NRG1: variants seen among roughly 807,000 people sequenced by gnomAD.
NRG1 encodes neuregulin 1.
A neutral mutation model predicts 63.8 loss-of-function variants in NRG1; 18 were observed. The observed-to-expected ratio is 0.28, with a 90% confidence interval of 0.19 to 0.42. The LOEUF is 0.42. Among genes scored for constraint, NRG1 ranks in the 10% least tolerant of loss-of-function variants. NRG1 has a pLI of 1.00. For missense variants in NRG1, 762 were observed against 814.7 expected (o/e 0.94, Z 0.79); for synonymous variants, 302 against 301.3 (o/e 1.00, Z -0.02).
At chr8:31,791,376 C>G (rs946658932) in intron 1 of NRG1, among the ~76,000 whole-genome samples, 1 of 152,084 alleles carries the variant, frequency 6.6e-6, no homozygotes. Flanking sequence ...ATAATTATCA[C>G]TATCAGTAAT....
chr8:32,056,938 A>G (rs1034830887), intron 1 of NRG1, among the ~76,000 whole-genome samples: 6 of 152,174 alleles, frequency 3.9e-5, no homozygotes, highest in African/African-American at 1.4e-4. Context: ...GGTACTTTTT[A>G]GCATTAGTGA....
chr8:31,811,933 A>T (rs1198532289), intron 1 of NRG1, among the ~76,000 whole-genome samples: 1 of 152,184 alleles, frequency 6.6e-6, no homozygotes, highest in African/African-American at 2.4e-5. Flanking sequence ...TAGATCTCAT[A>T]TATCTATATC....
chr8:32,491,019 G>A (rs1048126097), intron 1 of NRG1, among the ~76,000 whole-genome samples: 11 of 152,144 alleles, frequency 7.2e-5, no homozygotes, highest in Admixed American at 3.9e-4. Context: ...GTTTACAAAT[G>A]TTCTTGAGAG....
intron 1 of NRG1, among the ~76,000 whole-genome samples, chr8:32,366,799 C>T (rs1218536660): frequency 1.3e-5 from 2 of 150,294 alleles, no homozygotes; most frequent in Non-Finnish European, 3.0e-5. Flanking sequence ...GCAACCTCCA[C>T]CTCTCGGTTC....
At position 32,251,859 on chromosome 8, in the gene NRG1, G is replaced by C. The variant is rs565320464; in HGVS notation, c.38-343969G>C. ...GTGATGATGATTTTCTCATATGTTT[G>C]TTAGCCGCATAATGGTCATTTCTCT... On this transcript the variant is annotated intron_variant, in intron 1 of 10. Coordinates refer to the NRG1 transcript ENST00000519301. Among the ~76,000 whole-genome samples, 4 of 150,998 alleles carry C rather than the reference G, an allele frequency of 2.6e-5. No individual in the cohort carries two copies. In the South Asian group the frequency reaches 6.3e-4, roughly 24 times the overall value.
intron 1 of NRG1, among the ~76,000 whole-genome samples, chr8:32,182,277 C>T (rs538147167): frequency 5.9e-5 from 9 of 152,150 alleles, no homozygotes; most frequent in Admixed American, 3.9e-4. Flanking sequence ...TACAGAGTCT[C>T]GCTCTGTCAC....
intron 1 of NRG1, among the ~76,000 whole-genome samples, chr8:31,948,044 T>A (rs181891472): frequency 6.6e-6 from 1 of 151,358 alleles, no homozygotes; most frequent in Admixed American, 6.6e-5. Flanking sequence ...TTTATAAAGG[T>A]GTAGAAGATT....
chr8:32,181,649 A>G (rs1309621285), intron 1 of NRG1, among the ~76,000 whole-genome samples: 1 of 152,242 alleles, frequency 6.6e-6, no homozygotes, highest in Non-Finnish European at 1.5e-5. Flanking sequence ...TCTTCTTGGC[A>G]TAGTCTTAAC....
chr8:32,614,610 C>T (rs755287032), intron 4 of NRG1, 46 bp downstream of exon 4: 1 of 1,576,878 alleles, frequency 6.3e-7, no homozygotes, highest in Non-Finnish European at 8.7e-7. Flanking sequence ...GAATGACAAC[C>T]ATAACTGCTG....
chr8:31,809,749 T>C (rs1355896013), intron 1 of NRG1, among the ~76,000 whole-genome samples: 5 of 148,766 alleles, frequency 3.4e-5, no homozygotes, highest in Non-Finnish European at 7.4e-5. Flanking sequence ...TTGTTTTTTT[T>C]TTTTTTTTTT....
intron 1 of NRG1, among the ~76,000 whole-genome samples, chr8:32,495,365 T>C (rs1655739192): frequency 6.6e-6 from 1 of 152,224 alleles, no homozygotes; most frequent in African/African-American, 2.4e-5. Flanking sequence ...GTTCCTCTTT[T>C]GCCTTCCACC....
rs151144040 is a variant in NRG1, at chr8:31,700,009, C to T, written c.37+60578C>T. On this transcript the variant is annotated intron_variant, in intron 1 of 10. Coordinates refer to the NRG1 transcript ENST00000519301. ...TCTGCTCTTAATCTTCCTTTAAATA[C>T]ATCAACTAGACATAGTCGATATAGG... is the stretch of plus-strand genomic sequence containing the variant. Among the ~76,000 whole-genome samples, 24 of 152,304 alleles carry T rather than the reference C, an allele frequency of 1.6e-4. No individual in the cohort carries two copies. The East Asian group carries it at 3.7e-3, about 23-fold the overall frequency.
chr8:32,268,240 A>G (rs1250260425), intron 1 of NRG1, among the ~76,000 whole-genome samples: 2 of 152,208 alleles, frequency 1.3e-5, no homozygotes, highest in Non-Finnish European at 2.9e-5. Context: ...CTTTGATTAC[A>G]GCTTTATGAG....
intron 1 of NRG1, among the ~76,000 whole-genome samples, chr8:32,132,237 G>T (rs1019379963): frequency 5.3e-5 from 8 of 152,084 alleles, no homozygotes; most frequent in Non-Finnish European, 7.4e-5. Context: ...TACGAATTAT[G>T]ACTTCTTCCT....
At chr8:32,253,424 C>A (rs1258450794) in intron 1 of NRG1, among the ~76,000 whole-genome samples, 1 of 152,106 alleles carries the variant, frequency 6.6e-6, no homozygotes, top group Non-Finnish European at 1.5e-5. Context: ...TTATGGAAGG[C>A]CTTTTCTGCA....
chr8:32,017,167 TA>T (rs1308873752), intron 1 of NRG1, among the ~76,000 whole-genome samples: 1 of 152,160 alleles, frequency 6.6e-6, no homozygotes, highest in Non-Finnish European at 1.5e-5. Flanking sequence ...AAAAGTACAT[TA>T]AAAGTACCCA....
chr8:32,037,141 G>A (rs1819200778), intron 1 of NRG1, among the ~76,000 whole-genome samples: 1 of 152,138 alleles, frequency 6.6e-6, no homozygotes, highest in South Asian at 2.1e-4. Context: ...AATTGATATT[G>A]TTGTCCTGGC....
At chr8:32,744,047 C>T (rs747957130) in intron 7 of NRG1, among the ~76,000 whole-genome samples, 2 of 151,896 alleles carry the variant, frequency 1.3e-5, no homozygotes, top group Admixed American at 6.6e-5. Flanking sequence ...TTGCTCACCC[C>T]GAAAAATATG....
chr8:32,508,176 TAGG>T (rs1228058456), intron 1 of NRG1, among the ~76,000 whole-genome samples: 1 of 152,214 alleles, frequency 6.6e-6, no homozygotes, highest in Non-Finnish European at 1.5e-5. Context: ...GAAGCTGAGG[TAGG>T]AGGACTCCTT....
Sources: gnomAD v4.1 joint callset for allele counts (sites outside exome capture counted in the v4.1 genomes callset) on GRCh38, gnomAD v4.1.1 for gene constraint, MANE v1.5 for transcripts, NCBI Gene and HGNC (gene_info 2026-07-23, HGNC 2026-07-21) for gene names.